The following PTPRM variants were observed in gnomAD, a reference collection of about 807,000 sequenced individuals.
PTPRM encodes receptor-type tyrosine-protein phosphatase mu.
PTPRM carries 47 observed loss-of-function variants against 186.7 expected under a neutral mutation model. That is an observed-to-expected ratio of 0.25 (90% CI 0.20 to 0.32). The LOEUF (loss-of-function observed/expected upper bound fraction) is 0.32, where lower values mean the gene tolerates loss of function less well. PTPRM is among the 10% of genes least tolerant of loss of function. The probability of loss-of-function intolerance (pLI) is 1.00; values close to 1 mark genes in which losing one functional copy is unlikely to be tolerated. For missense variants in PTPRM, 1,494 were observed against 1,865.0 expected, an observed-to-expected ratio of 0.80 and a Z score of 3.66; for synonymous variants, 668 against 674.9, an observed-to-expected ratio of 0.99 and a Z score of 0.16.
intron 14 of PTPRM, among the ~76,000 whole-genome samples, chr18:8,185,500 G>A (rs1201893704): frequency 2.0e-5 from 3 of 152,250 alleles, no homozygotes; most frequent in Non-Finnish European, 4.4e-5. Context: ...TGACCAGCCT[G>A]CCTCCTGGTA....
chr18:8,395,667 C>T (rs960731912), intron 32 of PTPRM, among the ~76,000 whole-genome samples: 9 of 152,198 alleles, frequency 5.9e-5, no homozygotes, highest in Non-Finnish European at 8.8e-5. Flanking sequence ...GTTAGGCACA[C>T]TCTCACCCAT....
intron 2 of PTPRM, among the ~76,000 whole-genome samples, chr18:7,836,422 C>T (rs1214375507): frequency 1.3e-5 from 2 of 152,134 alleles, no homozygotes; most frequent in African/African-American, 4.8e-5. Flanking sequence ...TTTATATCTT[C>T]TTGCACTATG....
At chr18:8,160,422 C>A (rs1326136312) in intron 14 of PTPRM, among the ~76,000 whole-genome samples, 1 of 152,112 alleles carries the variant, frequency 6.6e-6, no homozygotes, top group East Asian at 1.9e-4. Context: ...GCTAGGACTG[C>A]AGACATGCGC....
chr18:8,328,291 G>A (rs2148137207), intron 22 of PTPRM, among the ~76,000 whole-genome samples: 1 of 152,304 alleles, frequency 6.6e-6, no homozygotes, highest in Non-Finnish European at 1.5e-5. Context: ...TGTAACTTCT[G>A]CACACTCTGT....
chr18:7,612,024 A>G (rs1258520413), intron 1 of PTPRM, among the ~76,000 whole-genome samples: 1 of 152,212 alleles, frequency 6.6e-6, no homozygotes, highest in Non-Finnish European at 1.5e-5. Flanking sequence ...GTTTCTCAGA[A>G]CGTGTCCCTG....
intron 23 of PTPRM, among the ~76,000 whole-genome samples, chr18:8,359,439 T>G (rs2095583570): frequency 6.6e-6 from 1 of 152,272 alleles, no homozygotes; most frequent in Non-Finnish European, 1.5e-5. Flanking sequence ...CAATGGACAC[T>G]CTTGCTGCTT....
intron 23 of PTPRM, among the ~76,000 whole-genome samples, chr18:8,354,607 C>T (rs1312003247): frequency 9.3e-5 from 8 of 85,710 alleles, no homozygotes. Flanking sequence ...TTAAAGATTC[C>T]TATTTTTAAA....
At chr18:8,251,106 C>A (rs1452971846) in intron 17 of PTPRM, among the ~76,000 whole-genome samples, 1 of 152,098 alleles carries the variant, frequency 6.6e-6, no homozygotes, top group Non-Finnish European at 1.5e-5. Context: ...CATAATGCAG[C>A]ACAGGATGAT....
At chr18:8,401,115 A>G (rs2095870156) in intron 32 of PTPRM, among the ~76,000 whole-genome samples, 1 of 151,250 alleles carries the variant, frequency 6.6e-6, no homozygotes, top group Non-Finnish European at 1.5e-5. Flanking sequence ...GGCTCCCAGG[A>G]GTTTCCCAGT....
intron 2 of PTPRM, among the ~76,000 whole-genome samples, chr18:7,819,127 G>C (rs140271005): frequency 3.9e-5 from 6 of 152,316 alleles, no homozygotes; most frequent in African/African-American, 1.4e-4. Context: ...TATTGATATG[G>C]AAGAGGGGCA....
chr18:7,604,049 C>G lies in PTPRM; in HGVS notation c.73+36158C>G, dbSNP rs981970539. On this transcript the variant is annotated intron_variant, in intron 1 of 32. Coordinates refer to ENST00000580170, the MANE Select transcript of PTPRM (RefSeq NM_001105244.2). ...AAGATGTGCTGTTTTTCTTTTTTCA[C>G]ACAAGAAATGATTTTCATTTGATGT... Among the ~76,000 whole-genome samples the G allele has an allele frequency of 1.8e-4, 27 of 152,152 alleles. 1 individual carries two copies. Among genetic ancestry groups the G allele is most frequent in the Non-Finnish European group, 4.0e-4 (27 of 68,020 alleles).
At chr18:7,871,978 CT>C (rs1489846834) in intron 2 of PTPRM, among the ~76,000 whole-genome samples, 1 of 152,178 alleles carries the variant, frequency 6.6e-6, no homozygotes, top group Non-Finnish European at 1.5e-5. Flanking sequence ...AAAAGTGTTT[CT>C]GCCAATGAGA....
chr18:7,931,577 T>A (rs1173052468), intron 5 of PTPRM, among the ~76,000 whole-genome samples: 1 of 152,166 alleles, frequency 6.6e-6, no homozygotes, highest in Admixed American at 6.5e-5. Flanking sequence ...GGCACGTGCC[T>A]GTAGTTCCAG....
At position 7,569,686 on chromosome 18, in the gene PTPRM, C is replaced by T. The variant is rs1024973399; in HGVS notation, c.73+1795C>T. 4.6e-5 allele frequency among the ~76,000 whole-genome samples: 7 copies of T among 152,280 alleles called. 1 individual carries two copies. Among genetic ancestry groups the T allele is most frequent in the Admixed American group, 4.6e-4 (7 of 15,292 alleles). On this transcript the variant is annotated intron_variant, in intron 1 of 32. Coordinates refer to ENST00000580170, the MANE Select transcript of PTPRM (RefSeq NM_001105244.2). Reference sequence around the variant, plus strand: ...CAAATATTTATATTGCTTATTTAAACCATGGGTTCCTCATCACCAAAAAGG... The same window carrying T: ...CAAATATTTATATTGCTTATTTAAATCATGGGTTCCTCATCACCAAAAAGG...
At chr18:7,782,520 C>T (rs1015498877) in intron 2 of PTPRM, among the ~76,000 whole-genome samples, 1 of 152,166 alleles carries the variant, frequency 6.6e-6, no homozygotes, top group Admixed American at 6.5e-5. Context: ...GTACAACCAT[C>T]ACCATTGTCC....
At chr18:7,726,606 T>C (rs2144358669) in intron 1 of PTPRM, among the ~76,000 whole-genome samples, 1 of 152,312 alleles carries the variant, frequency 6.6e-6, no homozygotes, top group South Asian at 2.1e-4. Context: ...TAAATATGCT[T>C]AGTTCCTCAG....
chr18:7,788,752 TC>T (rs1427870932), intron 2 of PTPRM, among the ~76,000 whole-genome samples: 1 of 152,222 alleles, frequency 6.6e-6, no homozygotes, highest in African/African-American at 2.4e-5. Context: ...CATATTTATT[TC>T]CTAAGAAATG....
chr18:7,596,540 C>T (rs8089761), intron 1 of PTPRM, among the ~76,000 whole-genome samples: 16,357 of 152,062 alleles, frequency 0.11, 1,583 homozygotes, highest in African/African-American at 0.26. Flanking sequence ...GTAATTGTTC[C>T]ATTTTATTAT....
chr18:7,656,700 A>C, intron 1 of PTPRM, among the ~76,000 whole-genome samples: 1 of 152,138 alleles, frequency 6.6e-6, no homozygotes, highest in East Asian at 1.9e-4. Context: ...GTGATGGTGA[A>C]TATGTGACGT....
Sources: allele counts gnomAD v4.1 joint callset (sites outside exome capture counted in the v4.1 genomes callset), GRCh38; gene constraint gnomAD v4.1.1; transcripts MANE v1.5; gene names NCBI Gene and HGNC (gene_info 2026-07-23, HGNC 2026-07-21).